Variants in GRID2 observed in about 807,000 individuals in gnomAD.
The protein encoded by GRID2 is glutamate receptor ionotropic, delta-2.
A neutral mutation model predicts 114.8 loss-of-function variants in GRID2; 33 were observed. The observed-to-expected ratio is 0.29, with a 90% CI of 0.22 to 0.38. The LOEUF (loss-of-function observed/expected upper bound fraction) is 0.38. GRID2 is among the 10% of genes least tolerant of loss of function. The probability of loss-of-function intolerance (pLI) is 1.00; values close to 1 mark genes in which losing one functional copy is unlikely to be tolerated. For synonymous variants in GRID2, 505 were observed against 449.9 expected, an observed-to-expected ratio of 1.12 and a Z score of -1.55; for missense variants, 1,184 against 1,257.7, an observed-to-expected ratio of 0.94 and a Z score of 0.89.
Position 92,673,869 on chromosome 4 carries a change from A to G in GRID2, c.244+83583A>G, listed in dbSNP as rs534213080. 3.1e-3 allele frequency among the ~76,000 whole-genome samples: 467 copies of G among 152,278 alleles called. 2 individuals are homozygous for G. Among genetic ancestry groups the G allele is most frequent in the African/African-American group, 0.011 (451 of 41,544 alleles). On this transcript the variant is annotated intron_variant, in intron 2 of 15. Transcript: ENST00000282020. The stretch of plus-strand genomic sequence containing the variant: ...AGGGATAGCATTAGGAGATATACCT[A>G]ATGTGAATGACGAGTTAACGGGTGC...
At chr4:92,834,782 T>C (rs1258330422) in intron 2 of GRID2, among the ~76,000 whole-genome samples, 1 of 152,188 alleles carries the variant, frequency 6.6e-6, no homozygotes, top group Non-Finnish European at 1.5e-5. Flanking sequence ...TAATGAGGCC[T>C]GTAATACTTA....
At chr4:93,402,153 C>T (rs28605122) in intron 9 of GRID2, among the ~76,000 whole-genome samples, 4,803 of 152,066 alleles carry the variant, frequency 0.032, 102 homozygotes, top group Non-Finnish European at 0.046. Context: ...GCCTTTATTT[C>T]ACCAAGTCTC....
At chr4:92,704,731 C>T (rs866422605) in intron 2 of GRID2, among the ~76,000 whole-genome samples, 14 of 134,736 alleles carry the variant, frequency 1.0e-4, no homozygotes, top group African/African-American at 1.8e-4. Flanking sequence ...CTTTCTCTCT[C>T]TCTCTCTCTC....
At chr4:93,355,270 G>C (rs1356188031) in intron 8 of GRID2, among the ~76,000 whole-genome samples, 2 of 151,954 alleles carry the variant, frequency 1.3e-5, no homozygotes, top group Non-Finnish European at 2.9e-5. Context: ...GCTCAGTGAG[G>C]GGGGTTTCCA....
At chr4:92,944,415 A>C (rs189285812) in intron 2 of GRID2, among the ~76,000 whole-genome samples, 2 of 152,218 alleles carry the variant, frequency 1.3e-5, no homozygotes, top group African/African-American at 4.8e-5. Context: ...TTGCTAAGAC[A>C]GTTGGAAAAG....
At chr4:92,740,689 A>ATGAT (rs1736833385) in intron 2 of GRID2, among the ~76,000 whole-genome samples, 1 of 59,294 alleles carries the variant, frequency 1.7e-5, no homozygotes, top group Admixed American at 2.4e-4. Flanking sequence ...AGATAGATAG[A>ATGAT]TGATAGATAG....
chr4:92,691,961 A>G (rs1026817462), intron 2 of GRID2, among the ~76,000 whole-genome samples: 5 of 152,200 alleles, frequency 3.3e-5, no homozygotes, highest in African/African-American at 1.2e-4. Context: ...ATAGTTTAAA[A>G]TCTTTTGTGA....
At chr4:93,030,600 G>T (rs1190801565) in intron 2 of GRID2, among the ~76,000 whole-genome samples, 1 of 151,656 alleles carries the variant, frequency 6.6e-6, no homozygotes, top group Non-Finnish European at 1.5e-5. Flanking sequence ...GGCCAGGCTG[G>T]TCTCGAACTC....
At chr4:92,795,934 A>T (rs1560596967) in intron 2 of GRID2, among the ~76,000 whole-genome samples, 1 of 151,978 alleles carries the variant, frequency 6.6e-6, no homozygotes, top group Non-Finnish European at 1.5e-5. Flanking sequence ...TTTTTGCCAC[A>T]TCCACAGTTT....
intron 2 of GRID2, among the ~76,000 whole-genome samples, chr4:92,986,146 A>G (rs1350722916): frequency 6.6e-6 from 1 of 152,160 alleles, no homozygotes; most frequent in African/African-American, 2.4e-5. Flanking sequence ...TGGACTATAG[A>G]TTAAATGTCA....
At chr4:93,547,556 TG>T (rs1733341631) in intron 13 of GRID2, among the ~76,000 whole-genome samples, 2 of 152,204 alleles carry the variant, frequency 1.3e-5, no homozygotes, top group African/African-American at 4.8e-5. Flanking sequence ...TACCCTTTTT[TG>T]TGTTTCTCTC....
chr4:93,343,619 C>T (rs1416834224), intron 8 of GRID2, among the ~76,000 whole-genome samples: 1 of 152,022 alleles, frequency 6.6e-6, no homozygotes, highest in Non-Finnish European at 1.5e-5. Context: ...AATTTGTCTA[C>T]AGGTATTTAT....
chr4:93,751,199 AC>A (rs1345678295), intron 14 of GRID2, among the ~76,000 whole-genome samples: 2 of 152,210 alleles, frequency 1.3e-5, no homozygotes, highest in African/African-American at 2.4e-5. Context: ...ATGTCTGTTA[AC>A]AACCTTGTTT....
At chr4:92,565,363 T>G (rs887087895) in intron 1 of GRID2, among the ~76,000 whole-genome samples, 1 of 151,996 alleles carries the variant, frequency 6.6e-6, no homozygotes, top group Non-Finnish European at 1.5e-5. Context: ...ATAGTTTTAG[T>G]TTACTGAATT....
intron 11 of GRID2, among the ~76,000 whole-genome samples, chr4:93,480,937 T>A (rs1725802627): frequency 6.6e-6 from 1 of 151,884 alleles, no homozygotes; most frequent in Admixed American, 6.6e-5. Context: ...TGTATATAGG[T>A]TATTTTCAAA....
chr4:93,218,881 G>C (rs184349436), intron 6 of GRID2, among the ~76,000 whole-genome samples: 4 of 152,226 alleles, frequency 2.6e-5, no homozygotes, highest in Admixed American at 1.3e-4. Flanking sequence ...CAAGTGCTGA[G>C]CAAAAGGTGG....
chr4:93,582,860 C>T (rs114134939), intron 13 of GRID2, among the ~76,000 whole-genome samples: 3,361 of 152,244 alleles, frequency 0.022, 50 homozygotes, highest in South Asian at 0.059. Flanking sequence ...GTATTAATTT[C>T]CTAGGGCTGC....
chr4:93,322,441 T>C (rs947865454), intron 8 of GRID2, among the ~76,000 whole-genome samples: 6 of 152,206 alleles, frequency 3.9e-5, no homozygotes, highest in Non-Finnish European at 8.8e-5. Context: ...TAATCCAGTC[T>C]ATCATTGATG....
intron 13 of GRID2, among the ~76,000 whole-genome samples, chr4:93,525,679 T>C (rs1022000128): frequency 3.9e-5 from 6 of 152,200 alleles, no homozygotes; most frequent in Admixed American, 3.3e-4. Flanking sequence ...AATTTCAAAC[T>C]GTTTAATAGC....
Sources: gnomAD v4.1 joint callset for allele counts (sites outside exome capture counted in the v4.1 genomes callset) on GRCh38, gnomAD v4.1.1 for gene constraint, MANE v1.5 for transcripts, NCBI Gene and HGNC (gene_info 2026-07-23, HGNC 2026-07-21) for gene names.